Variants in ADGRB3 observed in about 807,000 individuals in gnomAD.
ADGRB3 encodes the protein brain-specific angiogenesis inhibitor 3.
ADGRB3 carries 37 observed loss-of-function variants against 193.4 expected under a neutral mutation model. The observed-to-expected ratio is 0.19, with a 90% CI of 0.15 to 0.25. ADGRB3 has a LOEUF of 0.25. Among genes scored for constraint, ADGRB3 ranks in the 10% least tolerant of loss-of-function variants. The pLI, the probability that ADGRB3 is intolerant of heterozygous loss-of-function variation, is 1.00. For missense variants in ADGRB3, 1,637 were observed against 1,852.9 expected (o/e 0.88, Z 2.14); for synonymous variants, 690 against 644.2 (o/e 1.07, Z -1.08).
chr6:69,087,290 A>G (rs1467801678), intron 17 of ADGRB3, among the ~76,000 whole-genome samples: 1 of 152,188 alleles, frequency 6.6e-6, no homozygotes, highest in African/African-American at 2.4e-5. Context: ...ACCTCTCTTA[A>G]TCTAGAAACA....
At chr6:68,804,073 A>C (rs761868813) in intron 3 of ADGRB3, among the ~76,000 whole-genome samples, 2 of 152,208 alleles carry the variant, frequency 1.3e-5, no homozygotes, top group Non-Finnish European at 2.9e-5. Flanking sequence ...AATAGATCCA[A>C]TCATTTCACT....
intron 15 of ADGRB3, among the ~76,000 whole-genome samples, chr6:69,060,186 T>TTCTCTCTCTCTCTCTG (rs74424085): frequency 2.3e-5 from 3 of 131,906 alleles, no homozygotes; most frequent in African/African-American, 8.9e-5. Context: ...CACATTTTCT[T>TTCTCTCTCTCTCTCTG]TCTCTCTCTC....
intron 3 of ADGRB3, among the ~76,000 whole-genome samples, chr6:68,655,088 G>C (rs1020085767): frequency 8.0e-5 from 12 of 150,166 alleles, no homozygotes; most frequent in African/African-American, 2.9e-4. Flanking sequence ...TTGTTTCTTG[G>C]CAGTTTGTTA....
rs138372424 is a variant in ADGRB3 at position 69,131,541 on chromosome 6, G to C, written c.2480+55503G>C. On this transcript the variant is annotated intron_variant, in intron 17 of 31. Coordinates refer to ENST00000370598, the MANE Select transcript of ADGRB3 (RefSeq NM_001704.3). ...ACAACAGTTTCAAGTGGCAAATACT[G>C]TATACTAAATACTATAAATACTATA... Among the ~76,000 whole-genome samples, 148 of 152,050 alleles carry C rather than the reference G, an allele frequency of 9.7e-4. 1 individual carries two copies. Among genetic ancestry groups the C allele is most frequent in the African/African-American group, 3.4e-3 (143 of 41,514 alleles).
chr6:69,271,145 G>C (rs530989047), intron 20 of ADGRB3, among the ~76,000 whole-genome samples: 1 of 152,170 alleles, frequency 6.6e-6, no homozygotes, highest in Non-Finnish European at 1.5e-5. Flanking sequence ...ATAACTGTGA[G>C]AATATGTAAA....
intron 30 of ADGRB3, among the ~76,000 whole-genome samples, chr6:69,372,643 CTG>C (rs1769730864): frequency 1.3e-5 from 2 of 152,056 alleles, no homozygotes; most frequent in South Asian, 2.1e-4. Context: ...ATTTGCTAAA[CTG>C]AGATTTTCTG....
intron 11 of ADGRB3, among the ~76,000 whole-genome samples, chr6:69,007,848 T>C (rs1769810951): frequency 6.6e-6 from 1 of 152,080 alleles, no homozygotes; most frequent in South Asian, 2.1e-4. Flanking sequence ...AATAAAAATA[T>C]ATTTCCCACA....
intron 17 of ADGRB3, among the ~76,000 whole-genome samples, chr6:69,107,339 A>G (rs1485330550): frequency 1.3e-5 from 2 of 152,224 alleles, no homozygotes; most frequent in Non-Finnish European, 2.9e-5. Context: ...TCACTTTCAA[A>G]CATGCCATTT....
At chr6:68,756,426 G>A (rs963068439) in intron 3 of ADGRB3, among the ~76,000 whole-genome samples, 2 of 152,152 alleles carry the variant, frequency 1.3e-5, no homozygotes, top group African/African-American at 2.4e-5. Flanking sequence ...AACTGTGTGT[G>A]CACAGGCAAT....
At chr6:68,918,639 T>C (rs559079006) in intron 3 of ADGRB3, among the ~76,000 whole-genome samples, 18 of 152,324 alleles carry the variant, frequency 1.2e-4, no homozygotes, top group African/African-American at 3.8e-4. Context: ...ATCCTCTTAA[T>C]ATTTCTAAAG....
chr6:68,902,282 T>C (rs954709064), intron 3 of ADGRB3, among the ~76,000 whole-genome samples: 2 of 152,102 alleles, frequency 1.3e-5, no homozygotes, highest in Non-Finnish European at 2.9e-5. Flanking sequence ...GTACTAACAA[T>C]AGAGACGTTC....
intron 3 of ADGRB3, among the ~76,000 whole-genome samples, chr6:68,879,303 G>T (rs1195832569): frequency 7.6e-6 from 1 of 131,472 alleles, no homozygotes; most frequent in East Asian, 2.6e-4. Flanking sequence ...TGCAAGCTCC[G>T]CCTCCCAGGT....
rs1769894538 is a variant in ADGRB3, at chr6:69,379,145, TA to T, written c.4276-3685del. ...TCTTATCTTTATTGCAAAAGATGCA[TA>T]TAATATTTGACAGCCACCTGAATTC... is the stretch of plus-strand genomic sequence containing the variant. On this transcript the variant is annotated intron_variant, in intron 30 of 31. Coordinates refer to ENST00000370598, the MANE Select transcript of ADGRB3 (RefSeq NM_001704.3). Among the ~76,000 whole-genome samples the T allele has an allele frequency of 2.0e-5, 3 of 152,030 alleles. No individual in the cohort carries two copies. In the South Asian group the frequency reaches 6.2e-4, roughly 31 times the overall value.
intron 17 of ADGRB3, among the ~76,000 whole-genome samples, chr6:69,192,046 TAGTC>T (rs1765199523): frequency 6.6e-6 from 1 of 152,136 alleles, no homozygotes; most frequent in Admixed American, 6.5e-5. Context: ...ATCTGTGTAT[TAGTC>T]AGGTTTCTCT....
At chr6:68,807,716 A>G (rs1055288192) in intron 3 of ADGRB3, among the ~76,000 whole-genome samples, 1 of 152,154 alleles carries the variant, frequency 6.6e-6, no homozygotes, top group African/African-American at 2.4e-5. Context: ...GAAAATGTTT[A>G]CATATATTAT....
At chr6:68,869,188 G>A (rs539826033) in intron 3 of ADGRB3, among the ~76,000 whole-genome samples, 98 of 152,168 alleles carry the variant, frequency 6.4e-4, no homozygotes, top group African/African-American at 2.3e-3. Context: ...ATTATTCCAT[G>A]CATCTATCAC....
In ADGRB3 at chr6:68,771,612, CCAGTGCT is replaced by C. The variant is rs1466837375; in HGVS notation, c.757+132186_757+132192del. 1.3e-4 allele frequency among the ~76,000 whole-genome samples: 19 copies of C among 151,998 alleles called. No individual in the cohort carries two copies. The East Asian group carries it at 3.7e-3, about 29-fold the overall frequency. ...AATACAGCAGTAATGAAACAAAGTC[CCAGTGCT>C]CAGTGAGATTACATTCTAAAAAGGA... On this transcript the variant is annotated intron_variant, in intron 3 of 31. Coordinates refer to ENST00000370598, the MANE Select transcript of ADGRB3 (RefSeq NM_001704.3).
intron 20 of ADGRB3, among the ~76,000 whole-genome samples, chr6:69,257,429 T>C (rs1766804117): frequency 6.6e-6 from 1 of 152,220 alleles, no homozygotes; most frequent in Admixed American, 6.5e-5. Context: ...GGTTTAGTCT[T>C]GGGAGAGTGT....
intron 3 of ADGRB3, among the ~76,000 whole-genome samples, chr6:68,724,376 A>G (rs758409870): frequency 6.6e-6 from 1 of 151,798 alleles, no homozygotes; most frequent in South Asian, 2.1e-4. Flanking sequence ...TGGCCAACAT[A>G]TAGGTCAATT....
Sources: gnomAD v4.1 joint callset for allele counts (sites outside exome capture counted in the v4.1 genomes callset) on GRCh38, gnomAD v4.1.1 for gene constraint, MANE v1.5 for transcripts, NCBI Gene and HGNC (gene_info 2026-07-23, HGNC 2026-07-21) for gene names.